Variants in CCSER1 observed in about 807,000 individuals in gnomAD.
CCSER1 encodes the protein coiled-coil serine rich protein 1.
A neutral mutation model predicts 82.0 loss-of-function variants in CCSER1; 41 were observed. The ratio of observed to expected loss-of-function variants is 0.50; its 90% CI spans 0.39 to 0.65. The LOEUF (loss-of-function observed/expected upper bound fraction) is 0.65, where lower values mean the gene tolerates loss of function less well. Among genes scored for constraint, CCSER1 ranks in the 30% least tolerant of loss-of-function variants. The pLI, the probability that CCSER1 is intolerant of heterozygous loss-of-function variation, is 0.00. For missense variants in CCSER1, 1,119 were observed against 1,064.2 expected (o/e 1.05, Z -0.72); for synonymous variants, 414 against 383.9 (o/e 1.08, Z -0.92).
At chr4:91,375,083 T>A (rs1294135308) in intron 10 of CCSER1, among the ~76,000 whole-genome samples, 1 of 152,172 alleles carries the variant, frequency 6.6e-6, no homozygotes, top group Non-Finnish European at 1.5e-5. Context: ...TTGAAAACCT[T>A]CTGGAAAGGA....
intron 10 of CCSER1, among the ~76,000 whole-genome samples, chr4:91,458,670 C>T (rs1357066567): frequency 1.3e-5 from 2 of 152,014 alleles, no homozygotes; most frequent in East Asian, 3.9e-4. Flanking sequence ...CATTTCTTGT[C>T]CTCTTCAATT....
chr4:91,594,854 C>T (rs868207588), intron 10 of CCSER1, among the ~76,000 whole-genome samples: 26 of 152,000 alleles, frequency 1.7e-4, no homozygotes, highest in African/African-American at 6.0e-4. Context: ...TCTATTAGCT[C>T]AAATTGTCCT....
chr4:91,506,688 A>G (rs1759508106), intron 10 of CCSER1, among the ~76,000 whole-genome samples: 1 of 152,166 alleles, frequency 6.6e-6, no homozygotes, highest in South Asian at 2.1e-4. Flanking sequence ...TAATTAACAT[A>G]TAGTAAACTT....
chr4:90,533,193 G>A (rs932160286), intron 5 of CCSER1, among the ~76,000 whole-genome samples: 8 of 143,060 alleles, frequency 5.6e-5, no homozygotes, highest in Admixed American at 3.0e-4. Context: ...CCGGGTTCAC[G>A]CCATTCTCCT....
chr4:91,531,974 A>G (rs1048997598), intron 10 of CCSER1, among the ~76,000 whole-genome samples: 20 of 152,164 alleles, frequency 1.3e-4, no homozygotes, highest in Admixed American at 6.5e-5. Flanking sequence ...CGGTCTCCCA[A>G]TGTACTGGAA....
intron 10 of CCSER1, among the ~76,000 whole-genome samples, chr4:91,311,457 T>A (rs1745472812): frequency 6.6e-6 from 1 of 151,912 alleles, no homozygotes; most frequent in African/African-American, 2.4e-5. Context: ...TAGATGCTAA[T>A]AGAGACAATA....
intron 10 of CCSER1, among the ~76,000 whole-genome samples, chr4:91,152,188 T>C (rs1730287193): frequency 1.3e-5 from 2 of 152,210 alleles, no homozygotes; most frequent in Non-Finnish European, 2.9e-5. Flanking sequence ...TTTAGGATAG[T>C]TAGCTCTTCT....
At chr4:90,171,598 C>T (rs76668734) in intron 1 of CCSER1, among the ~76,000 whole-genome samples, 24 of 152,012 alleles carry the variant, frequency 1.6e-4, no homozygotes, top group African/African-American at 5.5e-4. Context: ...ACACATTCCA[C>T]TGTGTAAGTC....
At chr4:90,704,379 C>T (rs543288632) in intron 6 of CCSER1, among the ~76,000 whole-genome samples, 137 of 152,224 alleles carry the variant, frequency 9.0e-4, no homozygotes, top group Non-Finnish European at 1.4e-3. Flanking sequence ...GTGGGTAACC[C>T]GACCTTTCTC....
At chr4:90,202,338 G>T (rs1654281666) in intron 1 of CCSER1, among the ~76,000 whole-genome samples, 1 of 151,982 alleles carries the variant, frequency 6.6e-6, no homozygotes, top group African/African-American at 2.4e-5. Context: ...GAATAGCTGG[G>T]ATTACAGGCA....
intron 10 of CCSER1, among the ~76,000 whole-genome samples, chr4:91,245,120 A>G (rs1407988977): frequency 1.3e-5 from 2 of 152,090 alleles, no homozygotes; most frequent in South Asian, 2.1e-4. Flanking sequence ...AGAATAGAAA[A>G]CAATAAAGCA....
intron 10 of CCSER1, among the ~76,000 whole-genome samples, chr4:91,335,096 G>T (rs1747229265): frequency 6.6e-6 from 1 of 151,998 alleles, no homozygotes; most frequent in African/African-American, 2.4e-5. Flanking sequence ...ATTTCTGAGT[G>T]GGGATTTTTC....
chr4:91,199,969 G>T (rs925129342), intron 10 of CCSER1, among the ~76,000 whole-genome samples: 2 of 151,926 alleles, frequency 1.3e-5, no homozygotes, highest in Non-Finnish European at 2.9e-5. Flanking sequence ...CAGATTCAGA[G>T]AATTGTCTTT....
At chr4:90,847,696 C>T (rs973804339) in intron 8 of CCSER1, among the ~76,000 whole-genome samples, 5 of 152,070 alleles carry the variant, frequency 3.3e-5, no homozygotes, top group Non-Finnish European at 7.4e-5. Context: ...AGGAAAAAGT[C>T]GCAAATAATC....
At chr4:90,867,070 C>T (rs1380842226) in intron 8 of CCSER1, among the ~76,000 whole-genome samples, 1 of 152,018 alleles carries the variant, frequency 6.6e-6, no homozygotes, top group Non-Finnish European at 1.5e-5. Flanking sequence ...GTTTAATTAG[C>T]TGAATTACTT....
At chr4:90,463,954 A>G (rs1763299285) in intron 4 of CCSER1, among the ~76,000 whole-genome samples, 1 of 152,148 alleles carries the variant, frequency 6.6e-6, no homozygotes, top group Admixed American at 6.5e-5. Flanking sequence ...AACGATAGAA[A>G]TTCAGTTATT....
At chr4:90,494,369 T>C (rs549987636) in intron 5 of CCSER1, among the ~76,000 whole-genome samples, 39 of 152,188 alleles carry the variant, frequency 2.6e-4, no homozygotes, top group African/African-American at 8.2e-4. Context: ...GACAGAAAGT[T>C]AGCGAGGATA....
intron 10 of CCSER1, among the ~76,000 whole-genome samples, chr4:91,553,705 T>C (rs1467413806): frequency 6.6e-6 from 1 of 151,242 alleles, no homozygotes; most frequent in Non-Finnish European, 1.5e-5. Context: ...CAATTTGTTG[T>C]TGCTCAATTA....
At chr4:90,675,485 T>G (rs1733667689) in intron 6 of CCSER1, among the ~76,000 whole-genome samples, 1 of 151,966 alleles carries the variant, frequency 6.6e-6, no homozygotes, top group Non-Finnish European at 1.5e-5. Context: ...TTTTTGTATT[T>G]TAAGTATGTT....
Sources: gnomAD v4.1 joint callset for allele counts (sites outside exome capture counted in the v4.1 genomes callset) on GRCh38, gnomAD v4.1.1 for gene constraint, MANE v1.5 for transcripts, NCBI Gene and HGNC (gene_info 2026-07-23, HGNC 2026-07-21) for gene names.